Variants in CCDC88C observed in about 807,000 individuals in gnomAD.
CCDC88C encodes protein Daple.
In CCDC88C, 131 loss-of-function variants were observed where a neutral mutation model predicts 198.8. The ratio of observed to expected loss-of-function variants is 0.66; its 90% CI spans 0.57 to 0.76. CCDC88C has a LOEUF of 0.76. CCDC88C is among the 30% of genes least tolerant of loss of function. CCDC88C has a pLI of 0.00. For missense variants in CCDC88C, 2,553 were observed against 2,631.6 expected (o/e 0.97, Z 0.65); for synonymous variants, 1,166 against 1,114.7 (o/e 1.05, Z -0.92).
At position 91,325,151 on chromosome 14, in the gene CCDC88C, C is replaced by T. The variant is rs1009148148; in HGVS notation, c.1198-228G>A. On this transcript the variant is annotated intron_variant, in intron 11 of 29. Transcript: ENST00000389857. This position sits in a 1 kb window ranked among gnomAD's most constrained non-coding sequence, Gnocchi z 4.1. ...GCTACCTAGGTTATGAAGACAGACC[C>T]GGCCGGGGTCCCTAACTGAATGCTG... Among the ~76,000 whole-genome samples, 3 of 152,288 alleles carry T rather than the reference C, an allele frequency of 2.0e-5. No individual in the cohort carries two copies. Among genetic ancestry groups the T allele is most frequent in the African/African-American group, 7.2e-5 (3 of 41,552 alleles).
chr14:91,363,096 A>G (rs1055357482), intron 3 of CCDC88C, among the ~76,000 whole-genome samples: 4 of 152,082 alleles, frequency 2.6e-5, no homozygotes, highest in Non-Finnish European at 5.9e-5. Context: ...TCCAGCAAAA[A>G]CTGGCTCAGA....
At chr14:91,285,951 A>G in intron 25 of CCDC88C, 1 of 532,022 alleles carries the variant, frequency 1.9e-6, no homozygotes, top group Non-Finnish European at 3.0e-6. Context: ...TTAAGAAATC[A>G]GAATCCCGTC....
intron 10 of CCDC88C, among the ~76,000 whole-genome samples, chr14:91,333,552 C>A (rs1892919391): frequency 6.6e-6 from 1 of 152,198 alleles, no homozygotes. Flanking sequence ...ATGCTGTGTG[C>A]ACACACAGGA....
In CCDC88C at chr14:91,342,488, G is replaced by A. The variant is rs370948273; in HGVS notation, c.400-25C>T. On this transcript the variant is annotated intron_variant, in intron 5 of 29. Transcript: ENST00000389857. Reference sequence around the variant, plus strand: ...ACTGCGGAGGGTTACATGTGTTAATGGAAGCGCTGTTCAAGTGAGGGTGAA... The same window carrying A: ...ACTGCGGAGGGTTACATGTGTTAATAGAAGCGCTGTTCAAGTGAGGGTGAA... 1.3e-5 allele frequency: 19 copies of A among 1,478,012 alleles called. No individual in the cohort carries two copies. In the African/African-American group the frequency reaches 2.5e-4, roughly 19 times the overall value. 91.6% of individuals were successfully genotyped at this position (1,478,012 alleles called of 1,614,324 possible). A position where few individuals can be genotyped will look rare whatever the true frequency, so the allele number is the denominator to read the frequency against.
At chr14:91,386,299 A>AC (rs1039355725) in intron 3 of CCDC88C, among the ~76,000 whole-genome samples, 9 of 150,368 alleles carry the variant, frequency 6.0e-5, no homozygotes, top group Non-Finnish European at 1.0e-4. Context: ...CAAAAAAAAA[A>AC]AAAAACAAAA....
intron 10 of CCDC88C, among the ~76,000 whole-genome samples, chr14:91,335,849 C>T (rs1018755507): frequency 3.9e-5 from 6 of 152,190 alleles, no homozygotes; most frequent in African/African-American, 1.4e-4. Context: ...AATCTGAGAA[C>T]AGGTGTCCTC....
At position 91,397,008 on chromosome 14, in the gene CCDC88C, C is replaced by CA. The variant is rs913365128; in HGVS notation, c.270+11650dup. Among the ~76,000 whole-genome samples, 93 of 139,578 alleles carry CA rather than the reference C, an allele frequency of 6.7e-4. 2 individuals are homozygous for CA. Among genetic ancestry groups the CA allele is most frequent in the African/African-American group, 1.2e-3 (47 of 37,852 alleles). The allele number at this position is 139,578 out of a possible 152,430, so 91.6% of individuals were successfully genotyped here. A position where few individuals can be genotyped will look rare whatever the true frequency, so the allele number is the denominator to read the frequency against. On this transcript the variant is annotated intron_variant, in intron 3 of 29. Transcript: ENST00000389857. ...GCTACACAGAGCAAGACCCTGTCAC[C>CA]AAAAAAAAAAGAAAGAAAGAAAAAA...
chr14:91,280,060 G>C (rs915811366), intron 27 of CCDC88C: 1 of 152,296 alleles, frequency 6.6e-6, no homozygotes, highest in Non-Finnish European at 1.5e-5. Flanking sequence ...ACAGAGGGCA[G>C]GCCATCCCTT....
chr14:91,326,696 CCTGGGTTCCAGGTCTGAGTCT>C (rs1892600549), intron 10 of CCDC88C, among the ~76,000 whole-genome samples: 12 of 152,206 alleles, frequency 7.9e-5, no homozygotes, highest in Admixed American at 7.2e-4. Context: ...GAGAGTCAAT[CCTGGGTTCCAGGTCTGAGTCT>C]AGTAGACCTC....
intron 1 of CCDC88C, chr14:91,417,145 A>G (rs1567132764): frequency 1.4e-6 from 1 of 703,178 alleles, no homozygotes; most frequent in East Asian, 2.7e-5. Context: ...AATCCATTGT[A>G]AATCAGTGCG....
rs78209151 is a variant in CCDC88C, at chr14:91,385,475, G to A, written c.270+23184C>T. On this transcript the variant is annotated intron_variant, in intron 3 of 29. Transcript: ENST00000389857. Reference sequence around the variant, plus strand: ...AGGAGGAGGAGCTAACACAGTGCCAGATGTCTCGCAGCTTGCCCAGCCCTG... The same window carrying A: ...AGGAGGAGGAGCTAACACAGTGCCAAATGTCTCGCAGCTTGCCCAGCCCTG... Among the ~76,000 whole-genome samples, 1,007 of 152,148 alleles carry A rather than the reference G, an allele frequency of 6.6e-3. 9 individuals are homozygous for A. Among genetic ancestry groups the A allele is most frequent in the African/African-American group, 0.023 (948 of 41,516 alleles).
At chr14:91,368,789 C>CTCCACAGGA (rs1175249569) in intron 3 of CCDC88C, among the ~76,000 whole-genome samples, 2 of 152,168 alleles carry the variant, frequency 1.3e-5, no homozygotes, top group African/African-American at 4.8e-5. Flanking sequence ...CTGATTAACT[C>CTCCACAGGA]TCCACAGGAC....
At chr14:91,342,346 C>A in intron 6 of CCDC88C, 34 bp downstream of exon 6, 1 of 1,397,814 alleles carries the variant, frequency 7.2e-7, no homozygotes, top group Non-Finnish European at 1.0e-6. Context: ...AGCAGCAGTC[C>A]ACAGCTGAGC....
At chr14:91,401,633 C>T (rs867392345) in intron 3 of CCDC88C, among the ~76,000 whole-genome samples, 2 of 152,010 alleles carry the variant, frequency 1.3e-5, no homozygotes, top group Non-Finnish European at 2.9e-5. Flanking sequence ...CCGCACCTGG[C>T]CAGAAAATAT....
chr14:91,289,702 A>G (rs1890579475), intron 24 of CCDC88C, among the ~76,000 whole-genome samples: 1 of 152,164 alleles, frequency 6.6e-6, no homozygotes, highest in South Asian at 2.1e-4. Flanking sequence ...TAATCAGTGA[A>G]ATAAGCTGGC....
intron 3 of CCDC88C, among the ~76,000 whole-genome samples, chr14:91,360,376 T>C (rs1894256813): frequency 6.6e-6 from 1 of 151,782 alleles, no homozygotes. Flanking sequence ...TGAACCTGGG[T>C]GGTCGAAGAT....
rs752864582 is a variant in CCDC88C at position 91,303,748 on chromosome 14, C to G, written c.3588G>C (p.Lys1196Asn). The G allele has an allele frequency of 1.2e-6, 2 of 1,612,132 alleles. No homozygotes were observed. Among genetic ancestry groups the G allele is most frequent in the South Asian group, 2.2e-5 (2 of 90,820 alleles). ...EALIRQHSCL[K>N]TLHRNLELEH... is the part of the protein sequence containing the mutation. ...CCAGCTCCAGATTCCGATGCAGTGT[C>G]TTTAGGCAGCTGTGCTGGCGGATGA... The change falls in exon 20 of 30, where the codon AAG becomes AAC. Residue 1196 changes from lysine to asparagine, a missense_variant. Physicochemically the swap from Lys to Asn is moderately conservative, Grantham distance 94. Coordinates refer to ENST00000389857, the MANE Select transcript of CCDC88C (RefSeq NM_001080414.4).
At chr14:91,386,659 G>C (rs752037849) in intron 3 of CCDC88C, among the ~76,000 whole-genome samples, 1 of 152,200 alleles carries the variant, frequency 6.6e-6, no homozygotes, top group African/African-American at 2.4e-5. Context: ...CATGCAGCTT[G>C]CATGCCACCT....
chr14:91,410,011 G>C (rs1321186934), intron 2 of CCDC88C, among the ~76,000 whole-genome samples: 2 of 152,156 alleles, frequency 1.3e-5, no homozygotes, highest in African/African-American at 4.8e-5. Flanking sequence ...AATTCATGTG[G>C]GGAATCCCCG....
Sources: gnomAD v4.1 joint callset for allele counts (sites outside exome capture counted in the v4.1 genomes callset) on GRCh38, gnomAD v4.1.1 for gene constraint, Gnocchi (gnomAD v3.1) non-coding constraint, MANE v1.5 for transcripts, NCBI Gene and HGNC (gene_info 2026-07-23, HGNC 2026-07-21) for gene names.